The following CDH13 variants were observed in gnomAD, a reference collection of about 807,000 sequenced individuals.
CDH13 encodes the protein cadherin 13.
A neutral mutation model predicts 63.8 loss-of-function variants in CDH13; 24 were observed. That is an observed-to-expected ratio of 0.38 (90% CI 0.27 to 0.53). The LOEUF is 0.53. Among genes scored for constraint, CDH13 ranks in the 20% least tolerant of loss-of-function variants. The pLI is 0.85. For missense variants in CDH13, 1,049 were observed against 903.1 expected (o/e 1.16, Z -2.07); for synonymous variants, 503 against 355.3 (o/e 1.42, Z -4.67).
intron 6 of CDH13, among the ~76,000 whole-genome samples, chr16:83,393,312 A>G (rs1201679125): frequency 6.6e-6 from 1 of 152,130 alleles, no homozygotes; most frequent in Non-Finnish European, 1.5e-5. Context: ...TGCCTCCAGG[A>G]AGGGCTGTGG....
At chr16:83,434,069 C>T (rs777605692) in intron 6 of CDH13, among the ~76,000 whole-genome samples, 8 of 152,134 alleles carry the variant, frequency 5.3e-5, no homozygotes, top group South Asian at 2.1e-4. Flanking sequence ...GTACAAGGCT[C>T]ATTACTCCAG....
At chr16:83,520,756 G>A (rs542555339) in intron 7 of CDH13, among the ~76,000 whole-genome samples, 20 of 152,288 alleles carry the variant, frequency 1.3e-4, no homozygotes, top group South Asian at 4.1e-4. Context: ...AGAACAGGAC[G>A]TGGCTAGCTT....
At chr16:82,941,752 C>G (rs1054643718) in intron 2 of CDH13, among the ~76,000 whole-genome samples, 1 of 152,154 alleles carries the variant, frequency 6.6e-6, no homozygotes, top group Non-Finnish European at 1.5e-5. Context: ...CTCTCCTTCT[C>G]TTAATGTTCT....
rs548068043 is a variant in CDH13 at position 83,423,670 on chromosome 16, T to C, written c.782-62807T>C. On this transcript the variant is annotated intron_variant, in intron 6 of 13. Coordinates refer to ENST00000567109, the MANE Select transcript of CDH13 (RefSeq NM_001257.5). Reference sequence around the variant, plus strand: ...GGCAACTGCAGCAATCATGATCATATGTCTGTTGCAGTGGAATTCTTTAGT... The same window carrying C: ...GGCAACTGCAGCAATCATGATCATACGTCTGTTGCAGTGGAATTCTTTAGT... Among the ~76,000 whole-genome samples, 10 of 152,292 alleles carry C rather than the reference T, an allele frequency of 6.6e-5. 1 individual carries two copies. Among genetic ancestry groups the C allele is most frequent in the South Asian group, 6.2e-4 (3 of 4,824 alleles).
intron 6 of CDH13, among the ~76,000 whole-genome samples, chr16:83,473,626 C>G (rs2073523356): frequency 6.6e-6 from 1 of 152,160 alleles, no homozygotes; most frequent in African/African-American, 2.4e-5. Flanking sequence ...CCTAAAGATG[C>G]CCCAGACAAG....
chr16:83,078,406 A>G (rs766561313), intron 3 of CDH13, among the ~76,000 whole-genome samples: 31 of 152,202 alleles, frequency 2.0e-4, no homozygotes, highest in South Asian at 1.4e-3. Flanking sequence ...TTAGATTCTC[A>G]TAAGGAACGT....
intron 8 of CDH13, among the ~76,000 whole-genome samples, chr16:83,627,200 GA>G (rs1171421966): frequency 6.6e-6 from 1 of 152,060 alleles, no homozygotes; most frequent in Non-Finnish European, 1.5e-5. Context: ...TGAGGCAGGA[GA>G]ATTGCTTGAA....
At chr16:82,932,129 A>G (rs897745354) in intron 2 of CDH13, among the ~76,000 whole-genome samples, 2 of 152,320 alleles carry the variant, frequency 1.3e-5, no homozygotes, top group African/African-American at 4.8e-5. Flanking sequence ...CACAGAAGTC[A>G]TTCTACATTA....
At chr16:82,775,384 A>G (rs1454956874) in intron 1 of CDH13, among the ~76,000 whole-genome samples, 2 of 152,222 alleles carry the variant, frequency 1.3e-5, no homozygotes, top group African/African-American at 4.8e-5. Flanking sequence ...ATGTATGAGC[A>G]TGGGGAAGTT....
At chr16:83,397,436 C>T (rs1252630520) in intron 6 of CDH13, 1 of 152,182 alleles carries the variant, frequency 6.6e-6, no homozygotes, top group African/African-American at 2.4e-5. Context: ...AGGTGACCAT[C>T]CCTCTGCTCT....
intron 3 of CDH13, among the ~76,000 whole-genome samples, chr16:83,100,710 A>C (rs2034433711): frequency 6.6e-6 from 1 of 152,222 alleles, no homozygotes; most frequent in Non-Finnish European, 1.5e-5. Flanking sequence ...ATTTTGGGTT[A>C]GCTCAAGCCA....
intron 3 of CDH13, among the ~76,000 whole-genome samples, chr16:83,058,395 G>A (rs1483306437): frequency 6.6e-6 from 1 of 152,196 alleles, no homozygotes; most frequent in African/African-American, 2.4e-5. Flanking sequence ...GTTCTTCTCT[G>A]GCGGTTTGGT....
intron 5 of CDH13, among the ~76,000 whole-genome samples, chr16:83,240,653 A>G (rs1400306716): frequency 8.5e-6 from 1 of 118,010 alleles, no homozygotes; most frequent in Admixed American, 9.4e-5. Context: ...TTTTTTAAAT[A>G]TTTCAACTTT....
At chr16:83,026,050 G>A (rs1915770990) in intron 2 of CDH13, among the ~76,000 whole-genome samples, 1 of 152,186 alleles carries the variant, frequency 6.6e-6, no homozygotes, top group Admixed American at 6.5e-5. Flanking sequence ...CTCCTGAGTT[G>A]GTAAGTGGTA....
intron 10 of CDH13, among the ~76,000 whole-genome samples, chr16:83,733,810 C>A (rs1475436486): frequency 6.6e-6 from 1 of 152,160 alleles, no homozygotes; most frequent in African/African-American, 2.4e-5. Context: ...AGATAAACCA[C>A]CCTGGGAAAC....
At chr16:83,744,999 C>T (rs1912438859) in intron 10 of CDH13, among the ~76,000 whole-genome samples, 1 of 152,166 alleles carries the variant, frequency 6.6e-6, no homozygotes, top group Non-Finnish European at 1.5e-5. Flanking sequence ...AGCCAATGAT[C>T]TTGGCAAAGT....
intron 2 of CDH13, among the ~76,000 whole-genome samples, chr16:82,951,705 G>A (rs1437113526): frequency 1.3e-5 from 2 of 152,120 alleles, no homozygotes; most frequent in East Asian, 3.9e-4. Context: ...CCAAAGAGAG[G>A]GTCCATTCAT....
At chr16:82,873,628 A>G (rs1190754655) in intron 2 of CDH13, among the ~76,000 whole-genome samples, 1 of 152,202 alleles carries the variant, frequency 6.6e-6, no homozygotes, top group Non-Finnish European at 1.5e-5. Context: ...ATAGTATTTC[A>G]AGGATTAAAC....
chr16:83,668,479 C>A (rs1028221938), intron 8 of CDH13, among the ~76,000 whole-genome samples: 14 of 152,200 alleles, frequency 9.2e-5, no homozygotes, highest in African/African-American at 2.7e-4. Flanking sequence ...CATCCTCTAG[C>A]CTTAGCCCAT....
Sources: gnomAD v4.1 joint callset for allele counts (sites outside exome capture counted in the v4.1 genomes callset) on GRCh38, gnomAD v4.1.1 for gene constraint, MANE v1.5 for transcripts, NCBI Gene and HGNC (gene_info 2026-07-23, HGNC 2026-07-21) for gene names.